The following CPEB1 variants were observed in gnomAD, a reference collection of about 807,000 sequenced individuals.
The protein encoded by CPEB1 is cytoplasmic polyadenylation element binding protein 1.
CPEB1 carries 7 observed loss-of-function variants against 65.8 expected under a neutral mutation model. The ratio of observed to expected loss-of-function variants is 0.11; its 90% CI spans 0.06 to 0.20. The LOEUF (loss-of-function observed/expected upper bound fraction) is 0.20, where lower values mean the gene tolerates loss of function less well. Among genes scored for constraint, CPEB1 ranks in the 10% least tolerant of loss-of-function variants. The pLI is 1.00. For missense variants in CPEB1, 551 were observed against 712.2 expected, an observed-to-expected ratio of 0.77 and a Z score of 2.58; for synonymous variants, 262 against 260.0, an observed-to-expected ratio of 1.01 and a Z score of -0.08.
chr15:82,564,601 C>T lies in CPEB1; in HGVS notation c.461-6615G>A, dbSNP rs2038816105. 2.0e-5 allele frequency among the ~76,000 whole-genome samples: 3 copies of T among 152,260 alleles called. No individual in the cohort carries two copies. The Middle Eastern group carries it at 0.01, about 518-fold the overall frequency. ...AGCCACTGCGCCCAGCCTAAGGACA[C>T]AATGTTGACTTAGAGTGTAATACAG... is the stretch of plus-strand genomic sequence containing the variant. On this transcript the variant is annotated intron_variant, in intron 4 of 12. Transcript: ENST00000684509.
chr15:82,570,537 G>A (rs115369207), intron 4 of CPEB1, among the ~76,000 whole-genome samples: 1 of 152,136 alleles, frequency 6.6e-6, no homozygotes, highest in African/African-American at 2.4e-5. Context: ...CTTGTATTTA[G>A]GCAACCCTCC....
chr15:82,601,340 A>G (rs939415548), intron 3 of CPEB1, among the ~76,000 whole-genome samples: 4 of 151,926 alleles, frequency 2.6e-5, no homozygotes, highest in African/African-American at 9.7e-5. Flanking sequence ...CAGGAGTCCA[A>G]GACCAGCCAG....
rs566522607 is a variant in CPEB1 at position 82,611,768 on chromosome 15, T to TA, written c.271+15424dup. Among the ~76,000 whole-genome samples, 14 of 144,350 alleles carry TA rather than the reference T, an allele frequency of 9.7e-5. 1 individual carries two copies. The highest frequency in any genetic ancestry group is 8.1e-4 in the East Asian group (4 of 4,910). 94.7% of individuals were successfully genotyped at this position (144,350 alleles called of 152,430 possible). ...CTAATAATTTTCATCTCAATAAGTT[T>TA]AAAAAAAACACACAGTAAATCAAAC... On this transcript the variant is annotated intron_variant, in intron 3 of 12. Transcript: ENST00000684509.
intron 3 of CPEB1, among the ~76,000 whole-genome samples, chr15:82,618,576 C>T (rs1008035399): frequency 3.3e-5 from 5 of 152,200 alleles, no homozygotes; most frequent in African/African-American, 9.6e-5. Flanking sequence ...ATTTGGGAGA[C>T]AGGTTACCTC....
rs1230915788 is a variant in CPEB1 at position 82,555,879 on chromosome 15, G to T, written c.931C>A (p.Gln311Lys). 4 of 1,611,216 alleles carry T rather than the reference G, an allele frequency of 2.5e-6. No homozygotes were observed. The highest frequency in any genetic ancestry group is 3.4e-5 in the Admixed American group (2 of 59,206). The change falls in exon 6 of 13, where the codon CAA (glutamine) becomes AAA (lysine). Residue 311 changes from glutamine (Q) to lysine (K), a missense_variant. Physicochemically the swap from Gln to Lys is moderately conservative, Grantham distance 53. Transcript: ENST00000684509. The part of the protein sequence containing the change: ...SIEREARLHR[Q>K]AAAVNEATCT... The stretch of plus-strand genomic sequence containing the variant: ...CTCAAGGCACACTCACCTGCAGCTT[G>T]TCGGTGCAGCCTGGCCTCTCTCTCT...
In CPEB1 at chr15:82,553,995, T is replaced by C. The variant is rs1476905235; in HGVS notation, c.941-4A>G. The C allele has an allele frequency of 6.4e-7, 1 of 1,570,264 alleles. No individual in the cohort carries two copies. Among genetic ancestry groups the C allele is most frequent in the South Asian group, 1.2e-5 (1 of 86,916 alleles). ...GTACAGGTGGCTTCATTCACAGCTTTGGTAGATGGCAAAGAGATAAACAGG... is the reference window on the plus strand; with the variant it reads ...GTACAGGTGGCTTCATTCACAGCTTCGGTAGATGGCAAAGAGATAAACAGG... On this transcript the variant is annotated splice_polypyrimidine_tract_variant and splice_region_variant and intron_variant, in intron 6 of 12. Coordinates refer to ENST00000684509, the MANE Select transcript of CPEB1 (RefSeq NM_001365242.1).
At position 82,571,541 on chromosome 15, in the gene CPEB1, GA is replaced by G. The variant is rs2040028026; in HGVS notation, c.272-10del. On this transcript the variant is annotated splice_polypyrimidine_tract_variant and intron_variant, in intron 3 of 12. Transcript: ENST00000684509. ...TTCAGAGTCCTGGAAGTCTGTTTTG[GA>G]AAGGAGCACAGCAGAAACCTCAGAG... The G allele has an allele frequency of 3.1e-6, 5 of 1,611,940 alleles. No individual in the cohort carries two copies. The highest frequency in any genetic ancestry group is 8.5e-7 in the Non-Finnish European group (1 of 1,178,866).
chr15:82,612,728 G>A (rs1164602392), intron 3 of CPEB1, among the ~76,000 whole-genome samples: 4 of 151,996 alleles, frequency 2.6e-5, no homozygotes, highest in Non-Finnish European at 5.9e-5. Flanking sequence ...CAGCTACTCA[G>A]GAGGCTGAGG....
At chr15:82,597,438 G>C (rs1405715386) in intron 3 of CPEB1, among the ~76,000 whole-genome samples, 2 of 152,216 alleles carry the variant, frequency 1.3e-5, no homozygotes, top group Non-Finnish European at 2.9e-5. Flanking sequence ...GGGCAGGGGA[G>C]ATCTGTGCAG....
At chr15:82,630,362 G>A (rs935564471) in intron 1 of CPEB1, among the ~76,000 whole-genome samples, 1 of 152,174 alleles carries the variant, frequency 6.6e-6, no homozygotes, top group African/African-American at 2.4e-5. Context: ...CCAAAATAAA[G>A]TTTTGAAGTC....
At chr15:82,641,307 A>G (rs2047094025) in intron 1 of CPEB1, among the ~76,000 whole-genome samples, 1 of 152,220 alleles carries the variant, frequency 6.6e-6, no homozygotes, top group African/African-American at 2.4e-5. Flanking sequence ...AGATGGTGTC[A>G]GGGCCAGAAC....
At chr15:82,611,806 A>G (rs1463358395) in intron 3 of CPEB1, among the ~76,000 whole-genome samples, 1 of 152,030 alleles carries the variant, frequency 6.6e-6, no homozygotes, top group Non-Finnish European at 1.5e-5. Flanking sequence ...AAAGAAAACA[A>G]TAGGAAAAAA....
chr15:82,647,959 C>T (rs910723259), upstream of CPEB1: 87 of 1,057,988 alleles, frequency 8.2e-5, no homozygotes, highest in Non-Finnish European at 4.9e-5. Context: ...ATTTTTGCAG[C>T]GGGCCGCGCG....
intron 3 of CPEB1, among the ~76,000 whole-genome samples, chr15:82,591,140 G>GT (rs1234862939): frequency 6.6e-6 from 1 of 152,088 alleles, no homozygotes; most frequent in Non-Finnish European, 1.5e-5. Flanking sequence ...CCAACAGTGT[G>GT]TAAGCGTTCC....
At chr15:82,553,200 G>A (rs2036577566) in intron 8 of CPEB1, among the ~76,000 whole-genome samples, 14 of 152,150 alleles carry the variant, frequency 9.2e-5, no homozygotes, top group Admixed American at 9.2e-4. Context: ...TTGGGTTCAG[G>A]TTTAGAGAGA....
chr15:82,575,345 T>C (rs1185393106), intron 3 of CPEB1, among the ~76,000 whole-genome samples: 2 of 152,162 alleles, frequency 1.3e-5, no homozygotes, highest in Admixed American at 6.5e-5. Context: ...GAAAGCTAAG[T>C]ATAAACTACA....
At chr15:82,599,369 T>C (rs2042917938) in intron 3 of CPEB1, among the ~76,000 whole-genome samples, 1 of 152,080 alleles carries the variant, frequency 6.6e-6, no homozygotes, top group Non-Finnish European at 1.5e-5. Flanking sequence ...TACAACAGAA[T>C]TTTAAACTAT....
At chr15:82,562,113 A>G (rs2151000285) in intron 4 of CPEB1, 2 of 432,250 alleles carry the variant, frequency 4.6e-6, no homozygotes, top group South Asian at 1.7e-5. Flanking sequence ...TGAGTGACAG[A>G]GACTGGATGC....
intron 1 of CPEB1, among the ~76,000 whole-genome samples, chr15:82,642,366 T>A (rs1458439059): frequency 6.6e-6 from 1 of 152,102 alleles, no homozygotes; most frequent in African/African-American, 2.4e-5. Context: ...GCCAACATAG[T>A]GAAACCCCAT....
Sources: gnomAD v4.1 joint callset for allele counts (sites outside exome capture counted in the v4.1 genomes callset) on GRCh38, gnomAD v4.1.1 for gene constraint, MANE v1.5 for transcripts, NCBI Gene and HGNC (gene_info 2026-07-23, HGNC 2026-07-21) for gene names.